The following ADAMTS20 variants were observed in gnomAD, a reference collection of about 807,000 sequenced individuals.
ADAMTS20 encodes ADAM metallopeptidase with thrombospondin type 1 motif 20, also known as A disintegrin and metalloproteinase with thrombospondin motifs 20.
ADAMTS20 carries 225 observed loss-of-function variants against 260.1 expected under a neutral mutation model. That is an observed-to-expected ratio of 0.87 (90% CI 0.78 to 0.97). The LOEUF (loss-of-function observed/expected upper bound fraction) is 0.97. Ranked by LOEUF, ADAMTS20 falls within the 50% of genes least tolerant of loss-of-function variation. The probability of loss-of-function intolerance (pLI) is 0.00; values close to 1 mark genes in which losing one functional copy is unlikely to be tolerated. For missense variants in ADAMTS20, 2,400 were observed against 2,337.7 expected, an observed-to-expected ratio of 1.03 and a Z score of -0.55; for synonymous variants, 802 against 769.5, an observed-to-expected ratio of 1.04 and a Z score of -0.70.
At chr12:43,401,151 C>G (rs1458897165) in intron 28 of ADAMTS20, among the ~76,000 whole-genome samples, 1 of 151,804 alleles carries the variant, frequency 6.6e-6, no homozygotes, top group Non-Finnish European at 1.5e-5. Context: ...CCATTTCTTT[C>G]TAGGATATTT....
rs535075698 is a variant in ADAMTS20 at position 43,478,667 on chromosome 12, TAC to T, written c.1118-9964_1118-9963del. On this transcript the variant is annotated intron_variant, in intron 7 of 38. Transcript: ENST00000389420. ...CCAAAAAATCTACAACTAAACCCAC[TAC>T]AGATTTCTCAATAGCAAAAGGCAGG... 1.2e-3 allele frequency among the ~76,000 whole-genome samples: 187 copies of T among 152,232 alleles called. 1 individual carries two copies. The highest frequency in any genetic ancestry group is 4.0e-3 in the African/African-American group (165 of 41,528).
intron 7 of ADAMTS20, among the ~76,000 whole-genome samples, chr12:43,480,423 T>G (rs1310309704): frequency 1.3e-5 from 2 of 152,160 alleles, no homozygotes; most frequent in Non-Finnish European, 2.9e-5. Context: ...CATACTGATT[T>G]CAGTTCCTTT....
At chr12:43,547,712 T>G (rs1943459056) in intron 2 of ADAMTS20, among the ~76,000 whole-genome samples, 1 of 152,184 alleles carries the variant, frequency 6.6e-6, no homozygotes, top group Admixed American at 6.5e-5. Flanking sequence ...GGACTTTGTA[T>G]TTGAAGGCTG....
intron 29 of ADAMTS20, among the ~76,000 whole-genome samples, chr12:43,395,498 AG>A (rs1255361288): frequency 2.0e-5 from 3 of 151,870 alleles, no homozygotes; most frequent in Non-Finnish European, 4.4e-5. Flanking sequence ...TTTCCAAATT[AG>A]GGGCTTTGGG....
chr12:43,455,529 C>T (rs983141452), intron 11 of ADAMTS20, among the ~76,000 whole-genome samples: 8 of 152,078 alleles, frequency 5.3e-5, no homozygotes, highest in South Asian at 4.1e-4. Flanking sequence ...TTAAACCCAC[C>T]GGTGAGGGAA....
intron 28 of ADAMTS20, among the ~76,000 whole-genome samples, chr12:43,405,834 TTGTC>T (rs573834355): frequency 5.0e-4 from 76 of 152,340 alleles, no homozygotes; most frequent in Non-Finnish European, 5.1e-4. Flanking sequence ...TCACTTCTCT[TTGTC>T]TGCTTTCTGA....
At chr12:43,524,036 T>C (rs1943107973) in intron 3 of ADAMTS20, among the ~76,000 whole-genome samples, 1 of 151,490 alleles carries the variant, frequency 6.6e-6, no homozygotes, top group Non-Finnish European at 1.5e-5. Context: ...CACCACCTCC[T>C]GGCTAGAGGC....
rs148117842 is a variant in ADAMTS20 at position 43,471,016 on chromosome 12, C to G, written c.1118-2311G>C. 3.6e-3 allele frequency among the ~76,000 whole-genome samples: 549 copies of G among 152,298 alleles called. 5 individuals are homozygous for G. The highest frequency in any genetic ancestry group is 0.013 in the African/African-American group (523 of 41,566). ...GCCGAATAGGAACAGCTCCGGTCTA[C>G]AGCTCCCAGCGTGAGCGACGCAGAA... On this transcript the variant is annotated intron_variant, in intron 7 of 38. Transcript: ENST00000389420.
intron 16 of ADAMTS20, 46 bp downstream of exon 16, chr12:43,443,745 T>C (rs749483960): frequency 4.4e-5 from 64 of 1,454,610 alleles, no homozygotes; most frequent in Admixed American, 4.2e-4. Flanking sequence ...TTCCATGAAA[T>C]TGCACATAAG....
At chr12:43,473,853 T>G (rs1942305321) in intron 7 of ADAMTS20, among the ~76,000 whole-genome samples, 1 of 26,294 alleles carries the variant, frequency 3.8e-5, no homozygotes, top group African/African-American at 1.4e-4. Flanking sequence ...TAGAGGGAAA[T>G]TTATAGCACT....
At chr12:43,358,421 A>G (rs1390719154) in intron 37 of ADAMTS20, among the ~76,000 whole-genome samples, 2 of 152,224 alleles carry the variant, frequency 1.3e-5, no homozygotes, top group African/African-American at 4.8e-5. Context: ...ATGTTGACGG[A>G]GGTAAAAATA....
chr12:43,390,912 C>T (rs1181766641), intron 29 of ADAMTS20, among the ~76,000 whole-genome samples: 1 of 152,184 alleles, frequency 6.6e-6, no homozygotes, highest in African/African-American at 2.4e-5. Context: ...TACCCAGTTC[C>T]AAAACCACTT....
rs528896253 is a variant in ADAMTS20 at position 43,551,757 on chromosome 12, C to T, written c.91+74G>A. The T allele has an allele frequency of 2.3e-4, 334 of 1,478,704 alleles. 1 individual carries two copies. Among genetic ancestry groups the T allele is most frequent in the Middle Eastern group, 3.5e-4 (2 of 5,786 alleles). 91.6% of individuals were successfully genotyped at this position (1,478,704 alleles called of 1,614,324 possible). A position where few individuals can be genotyped will look rare whatever the true frequency, so the allele number is the denominator to read the frequency against. On this transcript the variant is annotated intron_variant, in intron 1 of 38. Coordinates refer to ENST00000389420, the MANE Select transcript of ADAMTS20 (RefSeq NM_025003.5). The surrounding 1 kb of genome is among the most constrained non-coding windows in gnomAD (Gnocchi z 4.6). ...TTCCCCAACGGGCTGAGCCGCTCGT[C>T]CCCGCGACCTGCATGTCCCACTCGG...
intron 11 of ADAMTS20, among the ~76,000 whole-genome samples, chr12:43,461,628 T>A (rs1372551856): frequency 3.9e-5 from 6 of 152,130 alleles, no homozygotes; most frequent in South Asian, 2.1e-4. Context: ...CAGGTGAACA[T>A]CTTGGAGCAC....
chr12:43,433,501 T>C (rs779970141), intron 19 of ADAMTS20, among the ~76,000 whole-genome samples: 2 of 152,192 alleles, frequency 1.3e-5, no homozygotes, highest in African/African-American at 2.4e-5. Context: ...TAGGCAGTTC[T>C]ACTACTGTGC....
At chr12:43,530,538 T>A (rs553702569) in intron 3 of ADAMTS20, among the ~76,000 whole-genome samples, 1 of 152,244 alleles carries the variant, frequency 6.6e-6, no homozygotes, top group East Asian at 1.9e-4. Flanking sequence ...AGGAAAACCA[T>A]CAAAGGCCTA....
At chr12:43,382,688 A>G (rs1940380282) in intron 31 of ADAMTS20, among the ~76,000 whole-genome samples, 1 of 152,138 alleles carries the variant, frequency 6.6e-6, no homozygotes, top group Non-Finnish European at 1.5e-5. Context: ...CAAGAAAAAA[A>G]TAAAATAAAA....
intron 37 of ADAMTS20, among the ~76,000 whole-genome samples, chr12:43,363,886 A>G (rs1939927691): frequency 6.6e-6 from 1 of 152,220 alleles, no homozygotes; most frequent in Admixed American, 6.5e-5. Context: ...CCTCTATTTA[A>G]TTGGATCAGA....
intron 2 of ADAMTS20, among the ~76,000 whole-genome samples, chr12:43,549,753 G>A (rs1943488078): frequency 6.6e-6 from 1 of 152,094 alleles, no homozygotes; most frequent in South Asian, 2.1e-4. Context: ...AGAAAGAAAG[G>A]AAATGGTTCT....
Sources: allele counts gnomAD v4.1 joint callset (sites outside exome capture counted in the v4.1 genomes callset), GRCh38; gene constraint gnomAD v4.1.1; non-coding constraint Gnocchi (gnomAD v3.1); transcripts MANE v1.5; gene names NCBI Gene and HGNC (gene_info 2026-07-23, HGNC 2026-07-21).